INPP4B: variants seen among roughly 807,000 people sequenced by gnomAD.
INPP4B encodes inositol polyphosphate-4-phosphatase type II B.
A neutral mutation model predicts 122.5 loss-of-function variants in INPP4B; 55 were observed. That is an observed-to-expected ratio of 0.45 (90% CI 0.36 to 0.56). The LOEUF (loss-of-function observed/expected upper bound fraction) is 0.56, where lower values mean the gene tolerates loss of function less well. Ranked by LOEUF, INPP4B falls within the 20% of genes least tolerant of loss-of-function variation. INPP4B has a pLI of 0.00. For synonymous variants in INPP4B, 403 were observed against 388.7 expected (o/e 1.04, Z -0.43); for missense variants, 1,000 against 1,097.7 (o/e 0.91, Z 1.26).
intron 2 of INPP4B, among the ~76,000 whole-genome samples, chr4:142,671,220 A>T (rs1756944141): frequency 6.6e-6 from 1 of 152,078 alleles, no homozygotes; most frequent in Non-Finnish European, 1.5e-5. Context: ...ATAAATCTAT[A>T]CTAAGGCCTG....
intron 25 of INPP4B, among the ~76,000 whole-genome samples, chr4:142,078,573 G>A (rs1302850485): frequency 2.0e-5 from 3 of 151,988 alleles, no homozygotes; most frequent in African/African-American, 7.2e-5. Flanking sequence ...TCTACCTTCA[G>A]AGAGCTGCTT....
At chr4:142,669,660 A>T (rs1756695378) in intron 2 of INPP4B, among the ~76,000 whole-genome samples, 1 of 152,226 alleles carries the variant, frequency 6.6e-6, no homozygotes, top group Non-Finnish European at 1.5e-5. Context: ...AAATCAACTC[A>T]AAGTGGATTA....
At chr4:142,383,887 TGAGCTTA>T (rs922353734) in intron 7 of INPP4B, 16 of 549,806 alleles carry the variant, frequency 2.9e-5, no homozygotes, top group African/African-American at 2.5e-4. Flanking sequence ...AACACAGGTG[TGAGCTTA>T]TTATTCATGT....
At chr4:142,687,526 A>C (rs1416541274) in intron 2 of INPP4B, among the ~76,000 whole-genome samples, 1 of 148,846 alleles carries the variant, frequency 6.7e-6, no homozygotes, top group East Asian at 2.0e-4. Context: ...TGAGGCCACT[A>C]ATTTTTTTTT....
intron 1 of INPP4B, among the ~76,000 whole-genome samples, chr4:142,780,402 G>A (rs1437561409): frequency 6.6e-6 from 1 of 152,150 alleles, no homozygotes; most frequent in Non-Finnish European, 1.5e-5. Flanking sequence ...AATACGAAAT[G>A]ATGGAAGAAA....
At chr4:142,198,039 T>C (rs1160950583) in intron 14 of INPP4B, among the ~76,000 whole-genome samples, 1 of 152,152 alleles carries the variant, frequency 6.6e-6, no homozygotes, top group Non-Finnish European at 1.5e-5. Flanking sequence ...TTGTAGATGT[T>C]TATTTCTAAA....
intron 9 of INPP4B, chr4:142,287,049 A>T (rs1469459959): frequency 6.6e-6 from 1 of 152,202 alleles, no homozygotes; most frequent in Admixed American, 6.5e-5. Flanking sequence ...AGATGAGTAT[A>T]GCAGTGTGAG....
chr4:142,652,036 T>A (rs2150541235), intron 2 of INPP4B, among the ~76,000 whole-genome samples: 1 of 152,306 alleles, frequency 6.6e-6, no homozygotes, highest in African/African-American at 2.4e-5. Flanking sequence ...TCAGGTCAGC[T>A]TCATCCCTGG....
intron 7 of INPP4B, among the ~76,000 whole-genome samples, chr4:142,328,384 A>T (rs1388392793): frequency 6.6e-6 from 1 of 152,196 alleles, no homozygotes; most frequent in East Asian, 1.9e-4. Flanking sequence ...TAAGTCAGCC[A>T]TTATTCTCAA....
At chr4:142,097,299 G>A (rs1209797813) in intron 23 of INPP4B, among the ~76,000 whole-genome samples, 1 of 145,178 alleles carries the variant, frequency 6.9e-6, no homozygotes, top group African/African-American at 2.6e-5. Context: ...TTGTTGCCCA[G>A]GCTGGAGTGC....
chr4:142,254,199 T>C (rs757579475), intron 11 of INPP4B, among the ~76,000 whole-genome samples: 14 of 152,090 alleles, frequency 9.2e-5, no homozygotes, highest in Non-Finnish European at 1.9e-4. Flanking sequence ...CAAAAACCCA[T>C]TGGTACATCA....
intron 3 of INPP4B, among the ~76,000 whole-genome samples, chr4:142,451,294 A>G (rs1580098837): frequency 1.7e-5 from 2 of 119,534 alleles, no homozygotes; most frequent in Admixed American, 1.2e-4. Context: ...TCTGTCTCCC[A>G]GGCTGTAGTG....
At chr4:142,705,385 C>A (rs926630474) in intron 2 of INPP4B, among the ~76,000 whole-genome samples, 1 of 151,698 alleles carries the variant, frequency 6.6e-6, no homozygotes, top group East Asian at 1.9e-4. Context: ...AAGCCATGAA[C>A]TTAATTGATC....
intron 7 of INPP4B, among the ~76,000 whole-genome samples, chr4:142,332,001 C>T (rs936034607): frequency 2.0e-5 from 3 of 152,156 alleles, no homozygotes; most frequent in African/African-American, 7.2e-5. Context: ...GTGTTGAAGT[C>T]TAAACTTGGA....
chr4:142,739,343 T>G (rs148120906), intron 1 of INPP4B, among the ~76,000 whole-genome samples: 2 of 152,152 alleles, frequency 1.3e-5, no homozygotes, highest in East Asian at 3.9e-4. Context: ...ATAAGAATAT[T>G]AATTTACTTG....
At chr4:142,727,129 GAAGA>G (rs1337666804) in intron 1 of INPP4B, among the ~76,000 whole-genome samples, 5 of 152,114 alleles carry the variant, frequency 3.3e-5, no homozygotes, top group Admixed American at 6.6e-5. Flanking sequence ...GATGATGAAG[GAAGA>G]AAGAGTCCTT....
In INPP4B at chr4:142,200,672, G is replaced by T. The variant is rs59224868; in HGVS notation, c.1073-7477C>A. Among the ~76,000 whole-genome samples, 5 of 151,976 alleles carry T rather than the reference G, an allele frequency of 3.3e-5. No individual in the cohort carries two copies. In the East Asian group the frequency reaches 9.7e-4, roughly 29 times the overall value. Reference sequence around the variant, plus strand: ...GCAGGTTGGGGATAAGAAATTCTAAGACAGACATATTGATAAGCAAGAAAA... The same window carrying T: ...GCAGGTTGGGGATAAGAAATTCTAATACAGACATATTGATAAGCAAGAAAA... On this transcript the variant is annotated intron_variant, in intron 14 of 25. Coordinates refer to ENST00000262992, the MANE Select transcript of INPP4B (RefSeq NM_001101669.3).
intron 1 of INPP4B, among the ~76,000 whole-genome samples, chr4:142,777,899 T>C (rs1774184121): frequency 6.6e-6 from 1 of 152,130 alleles, no homozygotes; most frequent in African/African-American, 2.4e-5. Flanking sequence ...GGATTGGCTA[T>C]ATAATGTGTA....
At chr4:142,363,773 C>A (rs1250855423) in intron 7 of INPP4B, among the ~76,000 whole-genome samples, 2 of 152,016 alleles carry the variant, frequency 1.3e-5, no homozygotes, top group Admixed American at 6.6e-5. Context: ...CATCACATTT[C>A]TTCCAAAGGT....
Sources: gnomAD v4.1 joint callset for allele counts (sites outside exome capture counted in the v4.1 genomes callset) on GRCh38, gnomAD v4.1.1 for gene constraint, MANE v1.5 for transcripts, NCBI Gene and HGNC (gene_info 2026-07-23, HGNC 2026-07-21) for gene names.